FRMPD4: variants seen among roughly 807,000 people sequenced by gnomAD.
FRMPD4 encodes FERM and PDZ domain-containing protein 4.
In FRMPD4, 22 loss-of-function variants were observed where a neutral mutation model predicts 94.1. The ratio of observed to expected loss-of-function variants is 0.23; its 90% CI spans 0.17 to 0.33. FRMPD4 has a LOEUF of 0.33. FRMPD4 is among the 10% of genes least tolerant of loss of function. The pLI is 1.00. For synonymous variants in FRMPD4, 631 were observed against 548.6 expected (o/e 1.15, Z -2.10); for missense variants, 1,111 against 1,339.9 (o/e 0.83, Z 2.67).
chrX:12,308,152 G>A (rs973999762), intron 1 of FRMPD4, among the ~76,000 whole-genome samples: 1 of 111,420 alleles, frequency 9.0e-6, no homozygotes, highest in African/African-American at 3.3e-5. Flanking sequence ...AAGAACTCAC[G>A]GGCTGTACTT....
chrX:11,830,861 T>A (rs1310729849), intron 1 of FRMPD4, among the ~76,000 whole-genome samples: 1 of 111,462 alleles, frequency 9.0e-6, no homozygotes, highest in Non-Finnish European at 1.9e-5. Flanking sequence ...GCTTATAATA[T>A]GAAGGTCTTA....
intron 1 of FRMPD4, among the ~76,000 whole-genome samples, chrX:12,445,063 T>A (rs957656925): frequency 1.8e-5 from 2 of 112,154 alleles, no homozygotes; most frequent in Non-Finnish European, 3.8e-5. Context: ...GAACTTGGTT[T>A]AGCTGGCTCC....
At chrX:12,699,115 C>T (rs1442424268) in intron 9 of FRMPD4, among the ~76,000 whole-genome samples, 1 of 112,192 alleles carries the variant, frequency 8.9e-6, no homozygotes, top group Non-Finnish European at 1.9e-5. Flanking sequence ...TGATTCCTCA[C>T]TGTGCCAATG....
chrX:12,127,146 T>A (rs2055507369), intron 3 of FRMPD4, among the ~76,000 whole-genome samples: 1 of 112,363 alleles, frequency 8.9e-6, no homozygotes, highest in Non-Finnish European at 1.9e-5. Context: ...CCTGTTTTCA[T>A]CTTCGTGACA....
At chrX:12,230,730 TA>T (rs1203485673) in intron 1 of FRMPD4, among the ~76,000 whole-genome samples, 1 of 105,565 alleles carries the variant, frequency 9.5e-6, no homozygotes, top group Non-Finnish European at 1.9e-5. Flanking sequence ...TTGCATTTGT[TA>T]TTTAAATGAA....
chrX:12,437,533 T>A (rs1210304253), intron 1 of FRMPD4, among the ~76,000 whole-genome samples: 1 of 111,336 alleles, frequency 9.0e-6, no homozygotes, highest in Non-Finnish European at 1.9e-5. Flanking sequence ...GCAAACCGTC[T>A]GAGTTCTAAG....
intron 3 of FRMPD4, among the ~76,000 whole-genome samples, chrX:12,089,860 G>A (rs769310208): frequency 8.9e-6 from 1 of 111,892 alleles, no homozygotes; most frequent in Non-Finnish European, 1.9e-5. Flanking sequence ...CTAAGTTAAG[G>A]TCCTTATGAT....
chrX:12,712,486 C>T (rs760711546), intron 14 of FRMPD4, among the ~76,000 whole-genome samples: 12 of 111,330 alleles, frequency 1.1e-4, no homozygotes, highest in Non-Finnish European at 1.9e-4. Flanking sequence ...GAGGTCAACG[C>T]GGCTGTGAGC....
At chrX:11,831,674 A>G (rs1224431596) in intron 1 of FRMPD4, among the ~76,000 whole-genome samples, 3 of 111,137 alleles carry the variant, frequency 2.7e-5, no homozygotes, top group Non-Finnish European at 3.8e-5. Flanking sequence ...TGGGAAAACC[A>G]TCATTATTAG....
intron 2 of FRMPD4, among the ~76,000 whole-genome samples, chrX:11,865,504 T>A (rs1486097950): frequency 8.9e-6 from 1 of 112,137 alleles, no homozygotes; most frequent in Non-Finnish European, 1.9e-5. Context: ...TACAAAGTAC[T>A]CATTCTATGC....
At position 12,108,011 on chromosome X, in the gene FRMPD4, C is replaced by A. The variant is rs771044144; in HGVS notation, c.95+229993C>A. Reference sequence around the variant, plus strand: ...TGGAAAACACTCTGCAGGATATTATCCAGGAGAACTTCCCCAACCTAGCAA... The same window carrying A: ...TGGAAAACACTCTGCAGGATATTATACAGGAGAACTTCCCCAACCTAGCAA... On this transcript the variant is annotated intron_variant, in intron 3 of 18. Coordinates refer to the FRMPD4 transcript ENST00000640291. 5.1e-3 allele frequency among the ~76,000 whole-genome samples: 575 copies of A among 111,899 alleles called. 6 individuals are homozygous for A. Among genetic ancestry groups the A allele is most frequent in the African/African-American group, 0.018 (548 of 30,752 alleles).
intron 1 of FRMPD4, among the ~76,000 whole-genome samples, chrX:12,380,727 T>TTTA (rs1381286586): frequency 8.9e-6 from 1 of 112,225 alleles, no homozygotes; most frequent in Non-Finnish European, 1.9e-5. Context: ...CTGTGCTTGA[T>TTTA]TTATTTCCTA....
chrX:11,862,960 GTTTTTTTTTT>G (rs772255596), intron 1 of FRMPD4, among the ~76,000 whole-genome samples: 2 of 47,672 alleles, frequency 4.2e-5, no homozygotes, highest in African/African-American at 7.8e-5. Flanking sequence ...AGGGAACTTG[GTTTTTTTTTT>G]TTTTTTTTTT....
intron 4 of FRMPD4, among the ~76,000 whole-genome samples, chrX:12,649,441 A>G (rs1231601002): frequency 9.0e-6 from 1 of 111,654 alleles, no homozygotes. Flanking sequence ...TGTATGTCAC[A>G]TCTCTCATAT....
At chrX:12,655,206 G>C (rs762220229) in intron 4 of FRMPD4, among the ~76,000 whole-genome samples, 124 of 112,419 alleles carry the variant, frequency 1.1e-3, no homozygotes, top group African/African-American at 3.5e-3. Context: ...TGAATCTTTA[G>C]AAATCAGATT....
chrX:12,339,916 A>G (rs10127082), intron 1 of FRMPD4, among the ~76,000 whole-genome samples: 11,153 of 112,208 alleles, frequency 0.099, 1,374 homozygotes, highest in African/African-American at 0.34. Flanking sequence ...CACCTGGCCA[A>G]TGGTATTTCT....
chrX:12,642,581 C>T (rs1410024196), intron 4 of FRMPD4, among the ~76,000 whole-genome samples: 1 of 112,691 alleles, frequency 8.9e-6, no homozygotes, highest in Non-Finnish European at 1.9e-5. Flanking sequence ...TGGCCTACTA[C>T]CTGTTTGTGT....
chrX:11,836,100 T>G (rs2053499898), intron 1 of FRMPD4, among the ~76,000 whole-genome samples: 1 of 111,014 alleles, frequency 9.0e-6, no homozygotes, highest in Non-Finnish European at 1.9e-5. Context: ...GGAGGGAACA[T>G]AGGAAACCTG....
chrX:12,047,852 T>C (rs1311391977), intron 3 of FRMPD4, among the ~76,000 whole-genome samples: 1 of 112,626 alleles, frequency 8.9e-6, no homozygotes, highest in African/African-American at 3.2e-5. Flanking sequence ...CTGCATAGTA[T>C]TCCATGACGT....
Sources: gnomAD v4.1 joint callset for allele counts (sites outside exome capture counted in the v4.1 genomes callset) on GRCh38, gnomAD v4.1.1 for gene constraint, MANE v1.5 for transcripts, NCBI Gene and HGNC (gene_info 2026-07-23, HGNC 2026-07-21) for gene names.